The following ERC2 variants were observed in gnomAD, a reference collection of about 807,000 sequenced individuals.
ERC2 encodes ELKS/RAB6-interacting/CAST family member 2, also known as ERC protein 2.
Under a neutral mutation model 114.8 loss-of-function variants are expected in ERC2, and 42 were observed. The observed-to-expected ratio is 0.37, with a 90% CI of 0.29 to 0.47. The LOEUF is 0.47. ERC2 is among the 20% of genes least tolerant of loss of function. The pLI is 0.99. For missense variants in ERC2, 939 were observed against 1,150.7 expected, an observed-to-expected ratio of 0.82 and a Z score of 2.66; for synonymous variants, 454 against 425.5, an observed-to-expected ratio of 1.07 and a Z score of -0.82.
At chr3:55,828,006 G>A (rs2060403508) in intron 14 of ERC2, among the ~76,000 whole-genome samples, 1 of 152,236 alleles carries the variant, frequency 6.6e-6, no homozygotes, top group South Asian at 2.1e-4. Flanking sequence ...CAGCTGGAAA[G>A]TTGTCAGCCA....
intron 3 of ERC2, among the ~76,000 whole-genome samples, chr3:56,252,582 C>A (rs1576095597): frequency 6.6e-6 from 1 of 151,904 alleles, no homozygotes; most frequent in South Asian, 2.1e-4. Context: ...TGGAGAAACC[C>A]CGTCTCTACT....
At chr3:56,160,875 T>C (rs1016378823) in intron 4 of ERC2, among the ~76,000 whole-genome samples, 75 of 152,214 alleles carry the variant, frequency 4.9e-4, no homozygotes, top group African/African-American at 1.7e-3. Context: ...GTTTTGTTTA[T>C]TGTAGCCTTA....
At chr3:56,145,117 C>A (rs1364589768) in intron 5 of ERC2, among the ~76,000 whole-genome samples, 1 of 152,200 alleles carries the variant, frequency 6.6e-6, no homozygotes, top group Non-Finnish European at 1.5e-5. Context: ...AAAAAACACT[C>A]TGCCAAGGAA....
chr3:55,912,691 T>C (rs1326625109), intron 13 of ERC2, among the ~76,000 whole-genome samples: 1 of 149,156 alleles, frequency 6.7e-6, no homozygotes, highest in African/African-American at 2.4e-5. Context: ...TGGTTTTCCT[T>C]GATTATGAAT....
At chr3:55,802,354 T>G (rs9851142) in intron 14 of ERC2, among the ~76,000 whole-genome samples, 8,241 of 152,294 alleles carry the variant, frequency 0.054, 317 homozygotes, top group African/African-American at 0.1. Flanking sequence ...TTAGAATAGT[T>G]ATCTTGAGTA....
intron 17 of ERC2, among the ~76,000 whole-genome samples, chr3:55,576,230 A>G (rs537325435): frequency 6.6e-6 from 1 of 151,682 alleles, no homozygotes; most frequent in South Asian, 2.1e-4. Context: ...AATCACTTGA[A>G]CCTGAGAGGT....
chr3:55,609,247 AT>A (rs1253807474), intron 17 of ERC2, among the ~76,000 whole-genome samples: 1 of 152,046 alleles, frequency 6.6e-6, no homozygotes, highest in Non-Finnish European at 1.5e-5. Context: ...CCCCACTTTT[AT>A]TTAATTCACC....
At chr3:56,388,358 C>T (rs1269104355) in intron 2 of ERC2, among the ~76,000 whole-genome samples, 2 of 152,132 alleles carry the variant, frequency 1.3e-5, no homozygotes, top group Non-Finnish European at 2.9e-5. Flanking sequence ...TTCCTCCTCT[C>T]CCCCTTCCTC....
chr3:56,153,657 T>C (rs997941405), intron 4 of ERC2, among the ~76,000 whole-genome samples: 32 of 152,194 alleles, frequency 2.1e-4, no homozygotes, highest in African/African-American at 7.7e-4. Context: ...AAACAGTATG[T>C]TCCCCTTAAA....
At chr3:55,869,446 A>G (rs73073394) in intron 14 of ERC2, among the ~76,000 whole-genome samples, 4 of 152,118 alleles carry the variant, frequency 2.6e-5, no homozygotes, top group Non-Finnish European at 5.9e-5. Context: ...CATCTGTTTA[A>G]TCATCAAATT....
At position 56,084,809 on chromosome 3, in the gene ERC2, G is replaced by A. The variant is rs141275035; in HGVS notation, c.1474-3825C>T. On this transcript the variant is annotated intron_variant, in intron 6 of 17. Transcript: ENST00000288221. ...GAAATCCCAGACTTCACCACTATAC[G>A]ATTTACTCATGTAACCAAAAACTAC... is the stretch of plus-strand genomic sequence containing the variant. 4.1e-3 allele frequency among the ~76,000 whole-genome samples: 614 copies of A among 148,622 alleles called. 10 individuals are homozygous for A. The highest frequency in any genetic ancestry group is 0.014 in the African/African-American group (567 of 40,352).
chr3:55,616,272 C>T (rs1330618400), intron 17 of ERC2, among the ~76,000 whole-genome samples: 4 of 151,590 alleles, frequency 2.6e-5, no homozygotes, highest in Non-Finnish European at 5.9e-5. Flanking sequence ...TCCTGAGGAA[C>T]CAAGATTTGG....
chr3:56,103,741 G>GTCTATCTA (rs1284237464), intron 6 of ERC2, among the ~76,000 whole-genome samples: 8 of 134,726 alleles, frequency 5.9e-5, no homozygotes, highest in African/African-American at 2.3e-4. Context: ...AAAACTAGAA[G>GTCTATCTA]TGTATCTATC....
chr3:55,565,478 G>A (rs56158231), intron 17 of ERC2, among the ~76,000 whole-genome samples: 12,726 of 152,084 alleles, frequency 0.084, 588 homozygotes, highest in Middle Eastern at 0.095. Flanking sequence ...CCGTGCACTT[G>A]TCTAGAGGGG....
At chr3:56,455,146 A>AAT (rs1213033440) in intron 1 of ERC2, among the ~76,000 whole-genome samples, 3 of 152,066 alleles carry the variant, frequency 2.0e-5, no homozygotes, top group African/African-American at 7.2e-5. Context: ...CAACATTGCA[A>AAT]ATATACTTAG....
intron 17 of ERC2, among the ~76,000 whole-genome samples, chr3:55,642,164 C>T (rs553466904): frequency 1.1e-4 from 17 of 152,230 alleles, no homozygotes; most frequent in African/African-American, 3.9e-4. Flanking sequence ...TCAGAGATTC[C>T]TCCTTACACT....
intron 2 of ERC2, among the ~76,000 whole-genome samples, chr3:56,307,284 A>AT (rs1221343553): frequency 6.6e-6 from 1 of 152,216 alleles, no homozygotes; most frequent in East Asian, 1.9e-4. Context: ...AAATGTATAT[A>AT]TTTTTTGCCT....
intron 1 of ERC2, among the ~76,000 whole-genome samples, chr3:56,457,279 T>G (rs1479139934): frequency 6.6e-6 from 1 of 152,098 alleles, no homozygotes; most frequent in Non-Finnish European, 1.5e-5. Context: ...TGATGTGGAG[T>G]CCCACTGCAG....
At chr3:55,933,569 A>C (rs749168) in intron 13 of ERC2, among the ~76,000 whole-genome samples, 1 of 152,032 alleles carries the variant, frequency 6.6e-6, no homozygotes, top group African/African-American at 2.4e-5. Flanking sequence ...GTGCAGGGCT[A>C]TATAAATACT....
Sources: gnomAD v4.1 joint callset for allele counts (sites outside exome capture counted in the v4.1 genomes callset) on GRCh38, gnomAD v4.1.1 for gene constraint, MANE v1.5 for transcripts, NCBI Gene and HGNC (gene_info 2026-07-23, HGNC 2026-07-21) for gene names.